Variants in DHX35 observed in about 807,000 individuals in gnomAD.
DHX35 encodes DEAH-box helicase 35.
A neutral mutation model predicts 99.6 loss-of-function variants in DHX35; 84 were observed. The observed-to-expected ratio is 0.84, with a 90% CI of 0.71 to 1.01. The LOEUF (loss-of-function observed/expected upper bound fraction) is 1.01. Ranked by LOEUF, DHX35 falls within the 50% of genes least tolerant of loss-of-function variation. The pLI is 0.00. For synonymous variants in DHX35, 331 were observed against 316.2 expected, an observed-to-expected ratio of 1.05 and a Z score of -0.50; for missense variants, 852 against 888.5, an observed-to-expected ratio of 0.96 and a Z score of 0.52.
chr20:39,002,912 G>C, intron 10 of DHX35, 44 bp downstream of exon 10: 1 of 1,499,088 alleles, frequency 6.7e-7, no homozygotes. Flanking sequence ...TGTTAAGACA[G>C]CACCAAAAGT....
intron 3 of DHX35, among the ~76,000 whole-genome samples, chr20:38,979,146 A>G (rs1243304987): frequency 6.6e-6 from 1 of 151,236 alleles, no homozygotes; most frequent in Non-Finnish European, 1.5e-5. Context: ...CTTTTTTTTC[A>G]CATAATGTAT....
chr20:39,016,906 T>A (rs2086794607), intron 14 of DHX35, among the ~76,000 whole-genome samples: 1 of 151,744 alleles, frequency 6.6e-6, no homozygotes, highest in Admixed American at 6.6e-5. Flanking sequence ...TTGAAGTTCT[T>A]CATACATTCT....
chr20:39,001,936 A>G (rs2086527027), intron 9 of DHX35, 94 bp downstream of exon 9: 1 of 967,314 alleles, frequency 1.0e-6, no homozygotes, highest in Admixed American at 2.0e-5. Context: ...ACTCTAAAGG[A>G]TGGGGAGGAG....
chr20:39,003,875 G>A lies in DHX35; in HGVS notation c.979G>A (p.Val327Met). 6.2e-7 allele frequency: 1 copy of A among 1,614,186 alleles called. No individual in the cohort carries two copies. Among genetic ancestry groups the A allele is most frequent in the Non-Finnish European group, 8.5e-7 (1 of 1,180,030 alleles). The change falls in exon 11 of 22, where the codon GTG becomes ATG. Residue 327 changes from valine (V) to methionine (M), a missense_variant. Physicochemically the swap from Val to Met is conservative, Grantham distance 21 (BLOSUM62 1). Coordinates refer to ENST00000252011, the MANE Select transcript of DHX35 (RefSeq NM_021931.4). ...AGLPSFEQMK[V>M]FERVSRSVRK... ...ACTGCCTTCCTTTGAGCAAATGAAA[G>A]TGTTTGAAAGGGTGTCACGCAGTGT...
intron 21 of DHX35, among the ~76,000 whole-genome samples, chr20:39,038,183 T>C (rs552971248): frequency 4.9e-4 from 74 of 152,346 alleles, no homozygotes; most frequent in Non-Finnish European, 8.1e-4. Flanking sequence ...TGCGGTGCTG[T>C]CCTCTAGGCT....
chr20:39,011,810 A>C (rs2086706838), intron 13 of DHX35, among the ~76,000 whole-genome samples: 15 of 152,222 alleles, frequency 9.9e-5, no homozygotes. Flanking sequence ...TAAAGTCCCT[A>C]ATGTCATATG....
At chr20:38,977,906 C>T (rs1217374802) in intron 3 of DHX35, 1 of 579,160 alleles carries the variant, frequency 1.7e-6, no homozygotes, top group East Asian at 3.6e-5. Context: ...GCTTTTTCTT[C>T]AGTTTCCTCA....
chr20:38,988,934 G>A lies in DHX35; in HGVS notation c.450+17G>A. ...AGAATTAAGGTAAAGTGCTCAAGCT[G>A]CTTTTCCTAGTGGAAATAAGGAAGA... On this transcript the variant is annotated intron_variant, in intron 5 of 21. Coordinates refer to ENST00000252011, the MANE Select transcript of DHX35 (RefSeq NM_021931.4). The A allele has an allele frequency of 2.5e-6, 4 of 1,608,240 alleles. No homozygotes were observed. The highest frequency in any genetic ancestry group is 3.4e-6 in the Non-Finnish European group (4 of 1,175,584).
intron 3 of DHX35, among the ~76,000 whole-genome samples, chr20:38,979,743 C>A (rs2086141676): frequency 6.6e-6 from 1 of 151,830 alleles, no homozygotes; most frequent in Admixed American, 6.6e-5. Context: ...TATATAGTAC[C>A]TTTCCTTGGG....
rs376604484 is a variant in DHX35, at chr20:38,996,758, C to T, written c.642+1878C>T. On this transcript the variant is annotated intron_variant, in intron 8 of 21. Coordinates refer to ENST00000252011, the MANE Select transcript of DHX35 (RefSeq NM_021931.4). ...GAGACTGGTTTCTCAGACCTTTCCACAGGCTGTAGGAGTCTGTTGTTTTAG... is the reference window on the plus strand; with the variant it reads ...GAGACTGGTTTCTCAGACCTTTCCATAGGCTGTAGGAGTCTGTTGTTTTAG... 5.9e-5 allele frequency among the ~76,000 whole-genome samples: 9 copies of T among 152,266 alleles called. No homozygotes were observed. In the East Asian group the frequency reaches 1.7e-3, roughly 29 times the overall value.
In DHX35 at chr20:38,985,142, G is replaced by A. The variant is rs568065620; in HGVS notation, c.345+1366G>A. Among the ~76,000 whole-genome samples the A allele has an allele frequency of 2.7e-4, 41 of 152,196 alleles. No homozygotes were observed. In the East Asian group the frequency reaches 7.5e-3, roughly 28 times the overall value. Reference sequence around the variant, plus strand: ...TAATGCCTGTATTCCCAGCACATTGGGAGGCCGAGGCAAGAGGATTGCTTG... The same window carrying A: ...TAATGCCTGTATTCCCAGCACATTGAGAGGCCGAGGCAAGAGGATTGCTTG... On this transcript the variant is annotated intron_variant, in intron 4 of 21. Coordinates refer to ENST00000252011, the MANE Select transcript of DHX35 (RefSeq NM_021931.4).
At chr20:39,015,168 T>C (rs188819766) in intron 14 of DHX35, among the ~76,000 whole-genome samples, 1 of 152,326 alleles carries the variant, frequency 6.6e-6, no homozygotes, top group African/African-American at 2.4e-5. Flanking sequence ...CAGAAGCTAT[T>C]AGTAAGAATC....
chr20:39,009,336 A>G (rs1322364007), intron 12 of DHX35, among the ~76,000 whole-genome samples: 1 of 152,010 alleles, frequency 6.6e-6, no homozygotes, highest in Non-Finnish European at 1.5e-5. Flanking sequence ...TAGTCCACAG[A>G]ATATTGGTTG....
Position 39,021,876 on chromosome 20 carries a change from GCTGCC to G in DHX35, c.1535_1539del (p.Ala512AspfsTer24). ...CTGTTCTCAGGAAATTCTAAGCATCGCTGCCATGATGCAGATCCAGAATATCTTTG... is the reference window on the plus strand; with the variant it reads ...CTGTTCTCAGGAAATTCTAAGCATCGATGATGCAGATCCAGAATATCTTTG... On this transcript the variant is annotated frameshift_variant, in exon 16 of 22. Transcript: ENST00000252011. LOFTEE classifies it high-confidence loss of function. The G allele has an allele frequency of 6.2e-7, 1 of 1,614,100 alleles. No individual in the cohort carries two copies.
intron 13 of DHX35, among the ~76,000 whole-genome samples, chr20:39,012,593 G>A (rs1443248137): frequency 1.3e-5 from 2 of 151,636 alleles, no homozygotes; most frequent in African/African-American, 4.9e-5. Flanking sequence ...GCAGTTGTGC[G>A]ATCTCAGCTC....
intron 8 of DHX35, 75 bp downstream of exon 8, chr20:38,994,955 T>A: frequency 7.8e-7 from 1 of 1,274,628 alleles, no homozygotes; most frequent in Non-Finnish European, 1.1e-6. Flanking sequence ...AAGTTACCTC[T>A]AGCAAGAGCT....
intron 21 of DHX35, among the ~76,000 whole-genome samples, chr20:39,035,220 C>T (rs747018032): frequency 3.9e-5 from 6 of 152,124 alleles, no homozygotes; most frequent in East Asian, 1.9e-4. Flanking sequence ...TACAGGCGTG[C>T]GCCACCATGC....
At chr20:39,005,184 GA>G (rs1305099943) in intron 11 of DHX35, among the ~76,000 whole-genome samples, 1 of 152,106 alleles carries the variant, frequency 6.6e-6, no homozygotes, top group Admixed American at 6.5e-5. Context: ...TAAAGTGCCT[GA>G]AAAAAGTTCT....
chr20:38,987,503 G>T (rs2086268881), intron 4 of DHX35, among the ~76,000 whole-genome samples: 1 of 151,934 alleles, frequency 6.6e-6, no homozygotes, highest in African/African-American at 2.4e-5. Flanking sequence ...CAAAGTGCTG[G>T]GATTGTAGGT....
Sources: gnomAD v4.1 joint callset for allele counts (sites outside exome capture counted in the v4.1 genomes callset) on GRCh38, gnomAD v4.1.1 for gene constraint, MANE v1.5 for transcripts, NCBI Gene and HGNC (gene_info 2026-07-23, HGNC 2026-07-21) for gene names.